CNTNAP5: variants seen among roughly 807,000 people sequenced by gnomAD.
CNTNAP5 encodes contactin-associated protein-like 5.
CNTNAP5 carries 72 observed loss-of-function variants against 150.2 expected under a neutral mutation model. The ratio of observed to expected loss-of-function variants is 0.48; its 90% confidence interval spans 0.40 to 0.58. CNTNAP5 has a LOEUF of 0.58. CNTNAP5 is among the 20% of genes least tolerant of loss of function. The pLI is 0.00. For synonymous variants in CNTNAP5, 672 were observed against 619.8 expected, an observed-to-expected ratio of 1.08 and a Z score of -1.25; for missense variants, 1,636 against 1,626.2, an observed-to-expected ratio of 1.01 and a Z score of -0.10.
Position 124,408,165 on chromosome 2 carries a change from G to A in CNTNAP5, c.382-9278G>A, listed in dbSNP as rs6749922. 7.3e-3 allele frequency among the ~76,000 whole-genome samples: 1,112 copies of A among 152,282 alleles called. 10 individuals are homozygous for A. Among genetic ancestry groups the A allele is most frequent in the African/African-American group, 0.025 (1,060 of 41,570 alleles). Reference sequence around the variant, plus strand: ...CGGGTCACTCCCACCCGAATACTGCGCTTTTCCGACGGGCTTAAAAAACGG... The same window carrying A: ...CGGGTCACTCCCACCCGAATACTGCACTTTTCCGACGGGCTTAAAAAACGG... On this transcript the variant is annotated intron_variant, in intron 3 of 23. Coordinates refer to ENST00000682447, the MANE Select transcript of CNTNAP5 (RefSeq NM_001367498.1).
At chr2:124,904,848 G>A (rs1391001506) in intron 22 of CNTNAP5, among the ~76,000 whole-genome samples, 1 of 151,584 alleles carries the variant, frequency 6.6e-6, no homozygotes, top group African/African-American at 2.4e-5. Context: ...GACACCAAAA[G>A]TATGATCAAC....
intron 3 of CNTNAP5, among the ~76,000 whole-genome samples, chr2:124,384,003 A>G (rs1690867563): frequency 6.6e-6 from 1 of 151,868 alleles, no homozygotes; most frequent in African/African-American, 2.4e-5. Context: ...ATGTATTGTC[A>G]TTTCTTTTAT....
intron 3 of CNTNAP5, among the ~76,000 whole-genome samples, chr2:124,291,364 T>C (rs1330506923): frequency 6.6e-6 from 1 of 152,138 alleles, no homozygotes; most frequent in Admixed American, 6.6e-5. Context: ...TTCTTCATTC[T>C]ATAATGAAAG....
chr2:124,644,419 A>G (rs1184571406), intron 12 of CNTNAP5, among the ~76,000 whole-genome samples: 1 of 152,220 alleles, frequency 6.6e-6, no homozygotes, highest in Non-Finnish European at 1.5e-5. Flanking sequence ...TAGTGGCTTT[A>G]AGATGAAAGA....
chr2:124,798,996 T>C (rs900826207), intron 19 of CNTNAP5, among the ~76,000 whole-genome samples: 1 of 152,174 alleles, frequency 6.6e-6, no homozygotes, highest in Middle Eastern at 3.2e-3. Flanking sequence ...TGATACAAAA[T>C]TCACAAAAAT....
rs1695601588 is a variant in CNTNAP5, at chr2:124,550,423, G to A, written c.1650-12794G>A. Among the ~76,000 whole-genome samples, 3 of 152,126 alleles carry A rather than the reference G, an allele frequency of 2.0e-5. No individual in the cohort carries two copies. In the South Asian group the frequency reaches 6.2e-4, roughly 31 times the overall value. On this transcript the variant is annotated intron_variant, in intron 10 of 23. Coordinates refer to ENST00000682447, the MANE Select transcript of CNTNAP5 (RefSeq NM_001367498.1). Reference sequence around the variant, plus strand: ...TTAACCAAAGTTTGAGAAGCACTGAGTCAAGTAATAGAATTATTTCTATTC... The same window carrying A: ...TTAACCAAAGTTTGAGAAGCACTGAATCAAGTAATAGAATTATTTCTATTC...
At chr2:124,214,403 C>T (rs759322673) in intron 1 of CNTNAP5, among the ~76,000 whole-genome samples, 2 of 152,210 alleles carry the variant, frequency 1.3e-5, no homozygotes, top group Non-Finnish European at 2.9e-5. Context: ...GCTCTGGCCC[C>T]ATCACCAGTC....
At chr2:124,193,620 GAT>G (rs1183550468) in intron 1 of CNTNAP5, among the ~76,000 whole-genome samples, 4 of 152,168 alleles carry the variant, frequency 2.6e-5, no homozygotes, top group African/African-American at 9.7e-5. Flanking sequence ...ACCTTGTTAT[GAT>G]ATAAACAGAT....
At chr2:124,725,473 T>G in intron 13 of CNTNAP5, among the ~76,000 whole-genome samples, 1 of 128,238 alleles carries the variant, frequency 7.8e-6, no homozygotes, top group Non-Finnish European at 1.6e-5. Context: ...CCCCTTCCCC[T>G]TCCTCCTTCC....
chr2:124,246,647 A>T (rs1027665513), intron 3 of CNTNAP5, among the ~76,000 whole-genome samples: 2 of 152,172 alleles, frequency 1.3e-5, no homozygotes, highest in African/African-American at 4.8e-5. Flanking sequence ...TTTGAAAGAT[A>T]TGCCAGAAGA....
At position 124,201,892 on chromosome 2, in the gene CNTNAP5, C is replaced by T. The variant is rs544082584; in HGVS notation, c.83-19813C>T. Among the ~76,000 whole-genome samples the T allele has an allele frequency of 5.3e-5, 8 of 152,260 alleles. No individual in the cohort carries two copies. In the East Asian group the frequency reaches 1.2e-3, roughly 22 times the overall value. On this transcript the variant is annotated intron_variant, in intron 1 of 23. Transcript: ENST00000682447. ...TAGTAATGGTTCATCTTAGTATCAA[C>T]ATTGGCAAAAGTTATGGACTCTGTT...
chr2:124,548,470 A>G (rs1695562213), intron 10 of CNTNAP5, among the ~76,000 whole-genome samples: 1 of 152,208 alleles, frequency 6.6e-6, no homozygotes, highest in African/African-American at 2.4e-5. Flanking sequence ...AGGACAGGAC[A>G]CTGATGAAAT....
intron 11 of CNTNAP5, among the ~76,000 whole-genome samples, chr2:124,592,939 T>G (rs1247492185): frequency 6.6e-6 from 1 of 151,724 alleles, no homozygotes; most frequent in Non-Finnish European, 1.5e-5. Flanking sequence ...CATTCAAAAA[T>G]GTTTGTTTAT....
chr2:124,486,572 T>C (rs945057737), intron 7 of CNTNAP5, among the ~76,000 whole-genome samples: 1 of 152,192 alleles, frequency 6.6e-6, no homozygotes, highest in African/African-American at 2.4e-5. Context: ...AAATTTGGGT[T>C]AAAAACTAGA....
chr2:124,312,268 G>A (rs1688848362), intron 3 of CNTNAP5, among the ~76,000 whole-genome samples: 1 of 152,222 alleles, frequency 6.6e-6, no homozygotes, highest in Non-Finnish European at 1.5e-5. Flanking sequence ...AGAGATATAT[G>A]GGATTGAGTC....
intron 3 of CNTNAP5, among the ~76,000 whole-genome samples, chr2:124,367,357 G>A (rs934770147): frequency 6.6e-6 from 1 of 152,134 alleles, no homozygotes; most frequent in Admixed American, 6.5e-5. Flanking sequence ...CAATTATGGT[G>A]GAAGGGGAAG....
chr2:124,090,304 G>C (rs1163597852), intron 1 of CNTNAP5, among the ~76,000 whole-genome samples: 1 of 152,110 alleles, frequency 6.6e-6, no homozygotes, highest in East Asian at 1.9e-4. Context: ...ATTACTCTTT[G>C]GGGGAGGATA....
intron 1 of CNTNAP5, among the ~76,000 whole-genome samples, chr2:124,118,233 T>TAC (rs1683475894): frequency 6.6e-6 from 1 of 152,198 alleles, no homozygotes; most frequent in South Asian, 2.1e-4. Flanking sequence ...ACCCATGTTA[T>TAC]ACACACACAT....
At chr2:124,046,415 A>T (rs1681536922) in intron 1 of CNTNAP5, among the ~76,000 whole-genome samples, 1 of 131,356 alleles carries the variant, frequency 7.6e-6, no homozygotes, top group African/African-American at 2.9e-5. Context: ...CTCCCCTGAG[A>T]TCTGCTCACA....
Sources: allele counts gnomAD v4.1 joint callset (sites outside exome capture counted in the v4.1 genomes callset), GRCh38; gene constraint gnomAD v4.1.1; transcripts MANE v1.5; gene names NCBI Gene and HGNC (gene_info 2026-07-23, HGNC 2026-07-21).